Variants in PUDP observed in about 807,000 individuals in gnomAD.
PUDP encodes pseudouridine 5'-phosphatase.
In PUDP, 8 loss-of-function variants were observed where a neutral mutation model predicts 9.4. The ratio of observed to expected loss-of-function variants is 0.85; its 90% CI spans 0.50 to 1.53. The LOEUF (loss-of-function observed/expected upper bound fraction) is 1.53. PUDP is among the 40% of genes most tolerant of loss of function. The pLI, the probability that PUDP is intolerant of heterozygous loss-of-function variation, is 0.00. For missense variants in PUDP, 188 were observed against 189.7 expected (o/e 0.99, Z 0.05); for synonymous variants, 99 against 80.7 (o/e 1.23, Z -1.22).
At chrX:7,004,231 CAG>C (rs897095254) in intron 1 of PUDP, among the ~76,000 whole-genome samples, 3 of 111,713 alleles carry the variant, frequency 2.7e-5, no homozygotes, top group Non-Finnish European at 3.8e-5. Flanking sequence ...AATAAATAAA[CAG>C]AAATTATTTG....
chrX:6,833,519 C>CT (rs1926538115), intron 3 of PUDP, among the ~76,000 whole-genome samples: 1 of 110,750 alleles, frequency 9.0e-6, no homozygotes, highest in African/African-American at 3.3e-5. Flanking sequence ...AAATGGCTGG[C>CT]TGGATGGATG....
At chrX:7,023,575 A>G (rs1196672394) in intron 1 of PUDP, among the ~76,000 whole-genome samples, 1 of 112,122 alleles carries the variant, frequency 8.9e-6, no homozygotes, top group Non-Finnish European at 1.9e-5. Context: ...TTTTTTTTGC[A>G]TATGAATATC....
At chrX:6,769,078 G>A (rs1462360139) in intron 3 of PUDP, among the ~76,000 whole-genome samples, 1 of 111,879 alleles carries the variant, frequency 8.9e-6, no homozygotes, top group African/African-American at 3.2e-5. Context: ...TTCTAAGAAT[G>A]GATCTTGAAC....
chrX:7,125,901 C>G (rs1932474209), intron 1 of PUDP, among the ~76,000 whole-genome samples: 1 of 110,813 alleles, frequency 9.0e-6, no homozygotes, highest in South Asian at 3.9e-4. Context: ...CCACAATACA[C>G]AGGAATTGTG....
At chrX:6,721,773 A>G (rs1924676482), upstream of PUDP, among the ~76,000 whole-genome samples, 1 of 111,957 alleles carries the variant, frequency 8.9e-6, no homozygotes, top group Non-Finnish European at 1.9e-5. Context: ...TATTCCATGG[A>G]AATCACCTAT....
chrX:7,110,366 C>T (rs1932009447), intron 1 of PUDP, among the ~76,000 whole-genome samples: 1 of 112,292 alleles, frequency 8.9e-6, no homozygotes, highest in Non-Finnish European at 1.9e-5. Flanking sequence ...TGATGTTTTA[C>T]CCAACAAAGA....
intron 3 of PUDP, among the ~76,000 whole-genome samples, chrX:6,790,701 A>C: frequency 8.9e-6 from 1 of 112,689 alleles, no homozygotes. Flanking sequence ...AAAGTGTATA[A>C]CTCCACTTAT....
intron 1 of PUDP, among the ~76,000 whole-genome samples, chrX:7,118,707 G>A (rs1932261666): frequency 8.9e-6 from 1 of 112,229 alleles, no homozygotes; most frequent in Admixed American, 9.5e-5. Context: ...ATATTTCTAA[G>A]TTGGGACCAT....
intron 2 of PUDP, among the ~76,000 whole-genome samples, chrX:7,079,780 G>T (rs1219170692): frequency 8.9e-6 from 1 of 112,173 alleles, no homozygotes. Context: ...CAAAATTTCT[G>T]GGATGTGGCT....
At chrX:6,714,171 T>A (rs1924568517) in intron 1 of PUDP, among the ~76,000 whole-genome samples, 1 of 111,836 alleles carries the variant, frequency 8.9e-6, no homozygotes, top group Non-Finnish European at 1.9e-5. Context: ...GGATTACAGG[T>A]GTGAGCCATC....
intron 3 of PUDP, among the ~76,000 whole-genome samples, chrX:6,728,547 T>C (rs1924771139): frequency 8.9e-6 from 1 of 111,898 alleles, no homozygotes; most frequent in East Asian, 2.8e-4. Context: ...ACTATCCCCA[T>C]TTTGCAGATG....
At chrX:6,708,564 A>G (rs2146649787) in intron 1 of PUDP, among the ~76,000 whole-genome samples, 1 of 112,485 alleles carries the variant, frequency 8.9e-6, no homozygotes, top group Admixed American at 9.4e-5. Context: ...CACATCAACT[A>G]GATTATTTAG....
At position 7,027,896 on chromosome X, in the gene PUDP, C is replaced by T. The variant is rs1335905055; in HGVS notation, c.204+49324G>A. 1.3e-3 allele frequency among the ~76,000 whole-genome samples: 131 copies of T among 97,263 alleles called. 5 individuals are homozygous for T. The highest frequency in any genetic ancestry group is 5.8e-3 in the Admixed American group (50 of 8,558). 84.5% of individuals were successfully genotyped at this position (97,263 alleles called of 115,157 possible). A position where few individuals can be genotyped will look rare whatever the true frequency, so the allele number is the denominator to read the frequency against. On this transcript the variant is annotated intron_variant and NMD_transcript_variant, in intron 1 of 3. Transcript: ENST00000655425. ...GAATATATTATTTTCTATATATAGA[C>T]TATATATAGACTATATTTTTCTATA...
At chrX:6,863,402 T>C (rs1927032699) in intron 3 of PUDP, among the ~76,000 whole-genome samples, 1 of 112,043 alleles carries the variant, frequency 8.9e-6, no homozygotes, top group South Asian at 3.7e-4. Flanking sequence ...AGATTGTAAA[T>C]TGGGGAGGAT....
At chrX:6,985,584 T>C (rs2146801843) in intron 1 of PUDP, among the ~76,000 whole-genome samples, 1 of 111,747 alleles carries the variant, frequency 8.9e-6, no homozygotes, top group East Asian at 2.8e-4. Context: ...TTGGTGGGCT[T>C]TTGTTACATT....
chrX:6,796,853 T>A (rs1925851874), intron 3 of PUDP, among the ~76,000 whole-genome samples: 2 of 111,689 alleles, frequency 1.8e-5, no homozygotes, highest in African/African-American at 3.3e-5. Context: ...ACAGCACTTA[T>A]AAATGGATGA....
In PUDP at chrX:6,887,158, AATTTATTTATAATTAAATAT is replaced by A. The variant is rs1243486103; in HGVS notation, c.*247+89955_*247+89974del. Among the ~76,000 whole-genome samples, 40 of 102,644 alleles carry A rather than the reference AATTTATTTATAATTAAATAT, an allele frequency of 3.9e-4. 1 individual carries two copies. The South Asian group carries it at 4.7e-3, about 12-fold the overall frequency. 89.1% of individuals were successfully genotyped at this position (102,644 alleles called of 115,157 possible). Reference sequence around the variant, plus strand: ...TTGATTTAATTTAATTATTTAATTTAATTTATTTATAATTAAATATATTTATTTATAATTAAATATATTTA... The same window carrying A: ...TTGATTTAATTTAATTATTTAATTTAATTTATTTATAATTAAATATATTTA... On this transcript the variant is annotated intron_variant and NMD_transcript_variant, in intron 3 of 3. Transcript: ENST00000655425.
chrX:6,735,481 AT>A (rs1663044120), intron 3 of PUDP, among the ~76,000 whole-genome samples: 1 of 112,299 alleles, frequency 8.9e-6, no homozygotes, highest in Non-Finnish European at 1.9e-5. Context: ...AAATATACTT[AT>A]TTTTGCATAC....
intron 3 of PUDP, among the ~76,000 whole-genome samples, chrX:6,942,140 C>G (rs1172719169): frequency 9.0e-6 from 1 of 111,325 alleles, no homozygotes; most frequent in Admixed American, 9.6e-5. Flanking sequence ...ACTAAAAGCC[C>G]AGAATTCACC....
Sources: gnomAD v4.1 joint callset for allele counts (sites outside exome capture counted in the v4.1 genomes callset) on GRCh38, gnomAD v4.1.1 for gene constraint, MANE v1.5 for transcripts, NCBI Gene and HGNC (gene_info 2026-07-23, HGNC 2026-07-21) for gene names.